The following MAN1A2 variants were observed in gnomAD, a reference collection of about 807,000 sequenced individuals.
The protein encoded by MAN1A2 is mannosidase alpha class 1A member 2.
In MAN1A2, 26 loss-of-function variants were observed where a neutral mutation model predicts 75.7. That is an observed-to-expected ratio of 0.34 (90% CI 0.25 to 0.48). The LOEUF (loss-of-function observed/expected upper bound fraction) is 0.48. MAN1A2 is among the 20% of genes least tolerant of loss of function. The probability of loss-of-function intolerance (pLI) is 0.99; values close to 1 mark genes in which losing one functional copy is unlikely to be tolerated. For missense variants in MAN1A2, 562 were observed against 775.5 expected (o/e 0.72, Z 3.27); for synonymous variants, 247 against 264.6 (o/e 0.93, Z 0.65).
In MAN1A2 at chr1:117,524,598, G is replaced by A. The variant is rs548730297; in HGVS notation, c.*1641G>A. The A allele has an allele frequency of 6.6e-6, 1 of 151,808 alleles. No homozygotes were observed. The highest frequency in any genetic ancestry group is 1.9e-4 in the East Asian group (1 of 5,166). 9.4% of individuals were successfully genotyped at this position (151,808 alleles called of 1,614,324 possible). A position where few individuals can be genotyped will look rare whatever the true frequency, so the allele number is the denominator to read the frequency against. On this transcript the variant is annotated 3_prime_UTR_variant, in exon 13 of 13. Transcript: ENST00000356554. Reference sequence around the variant, plus strand: ...AAACTTAGGTTTTAAGTTGGGGAAAGACTTAATTAACTAATATAGTATTTT... The same window carrying A: ...AAACTTAGGTTTTAAGTTGGGGAAAAACTTAATTAACTAATATAGTATTTT...
At position 117,502,881 on chromosome 1, in the gene MAN1A2, T is replaced by A; in HGVS notation, c.1704T>A (p.Asn568Lys). The change falls in exon 12 of 13, where the codon AAT (asparagine) becomes AAA (lysine). Residue 568 changes from asparagine (N) to lysine (K), a missense_variant. Transcript: ENST00000356554. ...ALAIEKYCRVNGGFSGVKDVY... is the reference protein window; with the variant it reads ...ALAIEKYCRVKGGFSGVKDVY... ...CCATTGAAAAGTATTGCCGAGTTAA[T>A]GGTGGGTTTTCTGGAGTCAAAGATG... 1 of 1,604,468 alleles carries A rather than the reference T, an allele frequency of 6.2e-7. No individual in the cohort carries two copies. Among genetic ancestry groups the A allele is most frequent in the Non-Finnish European group, 8.5e-7 (1 of 1,173,018 alleles).
intron 1 of MAN1A2, among the ~76,000 whole-genome samples, chr1:117,399,617 T>C (rs1251288261): frequency 6.6e-6 from 1 of 152,136 alleles, no homozygotes; most frequent in Non-Finnish European, 1.5e-5. Flanking sequence ...AGGGCCGTGG[T>C]GGTAACTCAT....
At chr1:117,408,779 TTTTTC>T (rs1359139993) in intron 3 of MAN1A2, among the ~76,000 whole-genome samples, 1 of 151,764 alleles carries the variant, frequency 6.6e-6, no homozygotes, top group Non-Finnish European at 1.5e-5. Context: ...TGGAATTTTT[TTTTTC>T]TTGAAGGTTT....
intron 1 of MAN1A2, among the ~76,000 whole-genome samples, chr1:117,382,204 A>G (rs977267714): frequency 1.3e-5 from 2 of 152,104 alleles, no homozygotes; most frequent in Admixed American, 6.5e-5. Flanking sequence ...CCATTTGTCA[A>G]TTTTGGCTTT....
intron 6 of MAN1A2, among the ~76,000 whole-genome samples, chr1:117,446,790 TTAATGGTG>T (rs565660421): frequency 3.9e-4 from 60 of 152,244 alleles, no homozygotes; most frequent in Admixed American, 8.5e-4. Context: ...GTTAAGGTGG[TTAATGGTG>T]TTTAGATCAT....
chr1:117,452,307 C>CA (rs35889322), intron 6 of MAN1A2, among the ~76,000 whole-genome samples: 16,820 of 142,502 alleles, frequency 0.12, 1,024 homozygotes, highest in Non-Finnish European at 0.14. Context: ...GACTCTGTCT[C>CA]AAAAAAAAAA....
At chr1:117,447,996 T>C (rs1256367850) in intron 6 of MAN1A2, among the ~76,000 whole-genome samples, 1 of 152,204 alleles carries the variant, frequency 6.6e-6, no homozygotes, top group Non-Finnish European at 1.5e-5. Flanking sequence ...ATTGAATCTA[T>C]AAATTGTTTT....
At chr1:117,511,706 T>C (rs1371097682) in intron 12 of MAN1A2, among the ~76,000 whole-genome samples, 1 of 152,086 alleles carries the variant, frequency 6.6e-6, no homozygotes, top group Non-Finnish European at 1.5e-5. Context: ...ATTTTATCAG[T>C]TGTGTTTAAG....
At position 117,525,200 on chromosome 1, in the gene MAN1A2, T is replaced by C. The variant is rs752412061; in HGVS notation, c.*2243T>C. 53 of 496,950 alleles carry C rather than the reference T, an allele frequency of 1.1e-4. 1 individual carries two copies. The highest frequency in any genetic ancestry group is 7.8e-4 in the South Asian group (52 of 66,312). The allele number at this position is 496,950 out of a possible 1,614,324, so 30.8% of individuals were successfully genotyped here. On this transcript the variant is annotated 3_prime_UTR_variant, in exon 13 of 13. Coordinates refer to ENST00000356554, the MANE Select transcript of MAN1A2 (RefSeq NM_006699.5). ...AGGGAAGTATACAAGCAGAGCCAGT[T>C]CTGGTACAAACAAAGAATTTGACAG...
intron 12 of MAN1A2, among the ~76,000 whole-genome samples, chr1:117,508,148 T>G (rs1193297948): frequency 1.3e-5 from 2 of 151,774 alleles, no homozygotes; most frequent in Non-Finnish European, 2.9e-5. Context: ...CCTAGATCTT[T>G]CTTTGAATTA....
chr1:117,497,978 G>C (rs1038206446), intron 10 of MAN1A2, among the ~76,000 whole-genome samples: 1 of 151,868 alleles, frequency 6.6e-6, no homozygotes, highest in Admixed American at 6.6e-5. Flanking sequence ...ATTTATGCTA[G>C]TTCATAAATC....
chr1:117,441,624 G>A (rs898110890), intron 5 of MAN1A2, among the ~76,000 whole-genome samples: 2 of 151,996 alleles, frequency 1.3e-5, no homozygotes, highest in Non-Finnish European at 2.9e-5. Flanking sequence ...TAAGAAAATA[G>A]TAGAAATTTT....
chr1:117,475,063 T>G (rs1294015882), intron 8 of MAN1A2, among the ~76,000 whole-genome samples: 1 of 152,042 alleles, frequency 6.6e-6, no homozygotes, highest in Non-Finnish European at 1.5e-5. Flanking sequence ...AGTTTGTTTA[T>G]CCATTCTCCT....
chr1:117,368,636 C>G, intron 1 of MAN1A2, 151 bp downstream of exon 1: 2 of 706,404 alleles, frequency 2.8e-6, no homozygotes, highest in South Asian at 3.9e-5. Flanking sequence ...TGAATAAAAC[C>G]ATAGACTGGA....
chr1:117,510,266 C>T (rs1651494880), intron 12 of MAN1A2, among the ~76,000 whole-genome samples: 1 of 151,922 alleles, frequency 6.6e-6, no homozygotes, highest in Non-Finnish European at 1.5e-5. Flanking sequence ...TTTGACATAA[C>T]TATAATTAAG....
chr1:117,526,423 T>G lies in MAN1A2; in HGVS notation c.*3466T>G, dbSNP rs1652022247. On this transcript the variant is annotated 3_prime_UTR_variant, in exon 13 of 13. Transcript: ENST00000356554. Reference sequence around the variant, plus strand: ...AAAAAGAAAAGGTTTATAATATATTTTAAAACAATGTGTTACTGTATAATA... The same window carrying G: ...AAAAAGAAAAGGTTTATAATATATTGTAAAACAATGTGTTACTGTATAATA... 1 of 151,724 alleles carries G rather than the reference T, an allele frequency of 6.6e-6. No individual in the cohort carries two copies. The highest frequency in any genetic ancestry group is 1.5e-5 in the Non-Finnish European group (1 of 67,780). The allele number at this position is 151,724 out of a possible 1,614,324, so 9.4% of individuals were successfully genotyped here.
At position 117,414,814 on chromosome 1, in the gene MAN1A2, A is replaced by C. The variant is rs753341855; in HGVS notation, c.757A>C (p.Asn253His). ...FLDGQRWIEDNLDFSVNSEVS... is the reference protein window; with the variant it reads ...FLDGQRWIEDHLDFSVNSEVS... Reference sequence around the variant, plus strand: ...AGATGGGCAAAGATGGATTGAAGACAACCTTGATTTCAGTGTGGTGAGTGT... The same window carrying C: ...AGATGGGCAAAGATGGATTGAAGACCACCTTGATTTCAGTGTGGTGAGTGT... Residue 253 changes from asparagine (N) to histidine (H), a missense_variant, in exon 4 of 13, where the codon AAC (asparagine) becomes CAC (histidine). By Grantham distance (68) the Asn-to-His change is moderately conservative. Transcript: ENST00000356554. 6.3e-7 allele frequency: 1 copy of C among 1,598,902 alleles called. No individual in the cohort carries two copies. The highest frequency in any genetic ancestry group is 1.3e-5 in the African/African-American group (1 of 74,682).
intron 4 of MAN1A2, among the ~76,000 whole-genome samples, chr1:117,417,226 C>T (rs1648022559): frequency 6.6e-6 from 1 of 151,802 alleles, no homozygotes; most frequent in African/African-American, 2.4e-5. Context: ...TTTCTTTCAA[C>T]CTTTAAATGT....
chr1:117,520,215 A>T (rs993708069), intron 12 of MAN1A2, among the ~76,000 whole-genome samples: 16 of 152,026 alleles, frequency 1.1e-4, no homozygotes, highest in Admixed American at 9.2e-4. Context: ...CAGCAAACAT[A>T]ATAGTGAATG....
Sources: gnomAD v4.1 joint callset for allele counts (sites outside exome capture counted in the v4.1 genomes callset) on GRCh38, gnomAD v4.1.1 for gene constraint, MANE v1.5 for transcripts, NCBI Gene and HGNC (gene_info 2026-07-23, HGNC 2026-07-21) for gene names.